The following RANGAP1 variants were observed in gnomAD, a reference collection of about 807,000 sequenced individuals.
RANGAP1 encodes ran GTPase-activating protein 1.
RANGAP1 carries 38 observed loss-of-function variants against 63.5 expected under a neutral mutation model. That is an observed-to-expected ratio of 0.60 (90% CI 0.46 to 0.78). The LOEUF (loss-of-function observed/expected upper bound fraction) is 0.78, where lower values mean the gene tolerates loss of function less well. Ranked by LOEUF, RANGAP1 falls within the 30% of genes least tolerant of loss-of-function variation. The pLI, the probability that RANGAP1 is intolerant of heterozygous loss-of-function variation, is 0.00. For missense variants in RANGAP1, 630 were observed against 740.3 expected (o/e 0.85, Z 1.73); for synonymous variants, 329 against 310.5 (o/e 1.06, Z -0.63).
chr22:41,261,551 G>A lies in RANGAP1; in HGVS notation c.510C>T (p.His170=). The change falls in exon 6 of 16, where the codon CAC becomes CAT. Residue 170 remains histidine (H), a synonymous_variant. Coordinates refer to ENST00000356244, the MANE Select transcript of RANGAP1 (RefSeq NM_002883.4). Reference sequence around the variant, plus strand: ...GCTTGCCTTGGGCACTGGATTTCCGGTGACATTCGGTCAGAGCTGCAGCCA... The same window carrying A: ...GCTTGCCTTGGGCACTGGATTTCCGATGACATTCGGTCAGAGCTGCAGCCA... ...KILAAALTEC[H]RKSSAQGKPL... 6.2e-7 allele frequency: 1 copy of A among 1,614,234 alleles called. No homozygotes were observed. The highest frequency in any genetic ancestry group is 8.5e-7 in the Non-Finnish European group (1 of 1,180,048).
chr22:41,269,698 C>T (rs1319754468), intron 3 of RANGAP1, among the ~76,000 whole-genome samples: 2 of 148,154 alleles, frequency 1.3e-5, no homozygotes, highest in Non-Finnish European at 3.0e-5. Context: ...GCTGAAATTG[C>T]GCCACTACAC....
intron 1 of RANGAP1, 79 bp from the exon 2 acceptor site, chr22:41,281,161 C>A: frequency 7.3e-7 from 1 of 1,374,626 alleles, no homozygotes; most frequent in Non-Finnish European, 9.6e-7. Flanking sequence ...CATCAGCCAT[C>A]TCAGGAGTCT....
intron 12 of RANGAP1, 102 bp from the exon 13 acceptor site, chr22:41,251,211 G>A (rs2033423561): frequency 2.3e-6 from 2 of 869,280 alleles, no homozygotes; most frequent in Admixed American, 4.7e-5. Flanking sequence ...AAGGCCCCTG[G>A]CGGGCAAGAA....
At chr22:41,269,364 T>C (rs933191722) in intron 3 of RANGAP1, among the ~76,000 whole-genome samples, 1 of 152,136 alleles carries the variant, frequency 6.6e-6, no homozygotes, top group African/African-American at 2.4e-5. Context: ...AAGTATAAAG[T>C]TGGAAGAAAT....
At chr22:41,258,206 C>G in intron 6 of RANGAP1, 100 bp from the exon 7 acceptor site, 2 of 1,356,690 alleles carry the variant, frequency 1.5e-6, no homozygotes, top group Non-Finnish European at 2.0e-6. Context: ...AATGGGCTGC[C>G]GCCAGCACAG....
chr22:41,291,633 T>C, the RANGAP1 span, among the ~76,000 whole-genome samples: 2 of 142,498 alleles, frequency 1.4e-5, no homozygotes, highest in African/African-American at 5.2e-5. Context: ...GCGCAGTGGC[T>C]CACGCCTGTA....
At chr22:41,270,271 G>C (rs938768529) in intron 3 of RANGAP1, among the ~76,000 whole-genome samples, 1 of 152,084 alleles carries the variant, frequency 6.6e-6, no homozygotes, top group Non-Finnish European at 1.5e-5. Context: ...CTCCAGAGTA[G>C]ATGGGATTAC....
the RANGAP1 span, among the ~76,000 whole-genome samples, chr22:41,293,898 A>G: frequency 6.6e-6 from 1 of 152,202 alleles, no homozygotes. Flanking sequence ...CCTGGGATCA[A>G]GCAATGCTCC....
intron 3 of RANGAP1, among the ~76,000 whole-genome samples, chr22:41,274,107 C>T (rs2035002074): frequency 6.6e-6 from 1 of 152,144 alleles, no homozygotes; most frequent in Non-Finnish European, 1.5e-5. Flanking sequence ...CTTGCCTCTG[C>T]TGCGAGGAGT....
chr22:41,268,003 C>G, intron 4 of RANGAP1, 94 bp downstream of exon 4: 1 of 1,337,994 alleles, frequency 7.5e-7, no homozygotes, highest in South Asian at 1.3e-5. Flanking sequence ...CAGGGCTAAT[C>G]TTAGGCTCCA....
chr22:41,283,173 A>G (rs1317433049), intron 1 of RANGAP1, among the ~76,000 whole-genome samples: 2 of 138,080 alleles, frequency 1.4e-5, no homozygotes, highest in African/African-American at 5.5e-5. Flanking sequence ...CTTGAAGCAT[A>G]TGTTCTAAAT....
chr22:41,265,990 C>T (rs905570923), intron 4 of RANGAP1, among the ~76,000 whole-genome samples: 3 of 152,090 alleles, frequency 2.0e-5, no homozygotes, highest in Non-Finnish European at 4.4e-5. Flanking sequence ...ATCACGAGGT[C>T]GGGAGATCGA....
rs1437932159 is a variant in RANGAP1 at position 41,257,724 on chromosome 22, A to T, written c.774+224T>A. On this transcript the variant is annotated intron_variant, in intron 7 of 15. Coordinates refer to ENST00000356244, the MANE Select transcript of RANGAP1 (RefSeq NM_002883.4). The surrounding 1 kb of genome is among the most constrained non-coding windows in gnomAD (Gnocchi z 4.0). ...GGGGGCTGCAGAGGCGGCTCAGGAGAAGGTGGCATGAAGAATCAGAGCTGC... is the reference window on the plus strand; with the variant it reads ...GGGGGCTGCAGAGGCGGCTCAGGAGTAGGTGGCATGAAGAATCAGAGCTGC... Among the ~76,000 whole-genome samples the T allele has an allele frequency of 6.6e-6, 1 of 152,174 alleles. No individual in the cohort carries two copies. The highest frequency in any genetic ancestry group is 1.5e-5 in the Non-Finnish European group (1 of 68,028).
intron 1 of RANGAP1, among the ~76,000 whole-genome samples, chr22:41,284,726 G>A (rs2035669215): frequency 6.6e-6 from 1 of 152,128 alleles, no homozygotes. Flanking sequence ...ACAAAAACTA[G>A]CTGGGTGTGG....
At chr22:41,278,192 C>T (rs1041988338) in intron 2 of RANGAP1, among the ~76,000 whole-genome samples, 1 of 152,132 alleles carries the variant, frequency 6.6e-6, no homozygotes, top group African/African-American at 2.4e-5. Context: ...GTGTCCACCA[C>T]CACGCCCGGC....
the RANGAP1 span, among the ~76,000 whole-genome samples, chr22:41,295,636 A>G: frequency 6.8e-6 from 1 of 146,976 alleles, no homozygotes; most frequent in African/African-American, 2.5e-5. Context: ...CCTTCCCTCC[A>G]CTATTGTCCT....
Position 41,245,048 on chromosome 22 carries a change from T to C in RANGAP1, c.*1555A>G, listed in dbSNP as rs1011728219. On this transcript the variant is annotated 3_prime_UTR_variant, in exon 16 of 16. Transcript: ENST00000356244. ...TCATTTAACATGTTTTCAAAGTTCA[T>C]CCACGTTGTAGCTGGCATCAGAACT... Among the ~76,000 whole-genome samples the C allele has an allele frequency of 1.3e-5, 2 of 152,230 alleles. No individual in the cohort carries two copies. The highest frequency in any genetic ancestry group is 4.8e-5 in the African/African-American group (2 of 41,450).
upstream of RANGAP1, among the ~76,000 whole-genome samples, chr22:41,286,676 CA>C (rs750160599): frequency 7.3e-4 from 111 of 152,302 alleles, no homozygotes; most frequent in Admixed American, 3.1e-3. Context: ...TAAATATGCA[CA>C]AATTACCTGA....
chr22:41,299,400 A>G, the RANGAP1 span, among the ~76,000 whole-genome samples: 2 of 151,672 alleles, frequency 1.3e-5, no homozygotes, highest in East Asian at 1.9e-4. Flanking sequence ...CCAAAGTGCT[A>G]GGATTACAGG....
Sources: allele counts gnomAD v4.1 joint callset (sites outside exome capture counted in the v4.1 genomes callset), GRCh38; gene constraint gnomAD v4.1.1; non-coding constraint Gnocchi (gnomAD v3.1); transcripts MANE v1.5; gene names NCBI Gene and HGNC (gene_info 2026-07-23, HGNC 2026-07-21).